The following GDAP2 variants were observed in gnomAD, a reference collection of about 807,000 sequenced individuals.
GDAP2 encodes the protein ganglioside-induced differentiation-associated protein 2.
GDAP2 carries 51 observed loss-of-function variants against 67.0 expected under a neutral mutation model. The observed-to-expected ratio is 0.76, with a 90% CI of 0.61 to 0.96. The LOEUF (loss-of-function observed/expected upper bound fraction) is 0.96, where lower values mean the gene tolerates loss of function less well. Ranked by LOEUF, GDAP2 falls within the 40% of genes least tolerant of loss-of-function variation. The pLI, the probability that GDAP2 is intolerant of heterozygous loss-of-function variation, is 0.00. For missense variants in GDAP2, 547 were observed against 588.3 expected (o/e 0.93, Z 0.73); for synonymous variants, 203 against 207.3 (o/e 0.98, Z 0.18).
At chr1:117,883,659 T>C (rs769362231) in intron 10 of GDAP2, 32 bp from the exon 11 acceptor site, 1 of 1,545,284 alleles carries the variant, frequency 6.5e-7, no homozygotes, top group African/African-American at 1.4e-5. Flanking sequence ...AAGGTGAAGA[T>C]CATTTTGAAC....
chr1:117,870,541 GA>G lies in GDAP2; in HGVS notation c.*27del. The G allele has an allele frequency of 6.9e-7, 1 of 1,459,842 alleles. No homozygotes were observed. The highest frequency in any genetic ancestry group is 9.6e-7 in the Non-Finnish European group (1 of 1,039,306). The allele number at this position is 1,459,842 out of a possible 1,614,324, so 90.4% of individuals were successfully genotyped here. ...ATTCGTGGAGGAAGTGGCATCCTGG[GA>G]ACCAAGAAGCACTGAAAGATGGCAG... is the stretch of plus-strand genomic sequence containing the variant. On this transcript the variant is annotated 3_prime_UTR_variant, in exon 14 of 14. Transcript: ENST00000369443.
In GDAP2 at chr1:117,891,770, G is replaced by A. The variant is rs1321662; in HGVS notation, c.954-3996C>T. Among the ~76,000 whole-genome samples the A allele has an allele frequency of 2.9e-3, 408 of 139,580 alleles. 5 individuals carry two copies. In the South Asian group the frequency reaches 0.034, roughly 12 times the overall value. 91.6% of individuals were successfully genotyped at this position (139,580 alleles called of 152,430 possible). A position where few individuals can be genotyped will look rare whatever the true frequency, so the allele number is the denominator to read the frequency against. Reference sequence around the variant, plus strand: ...AACTATTTTTTCTTTGGTGGTAAATGCTTTTCATGTCTTTAAAAAAATCTT... The same window carrying A: ...AACTATTTTTTCTTTGGTGGTAAATACTTTTCATGTCTTTAAAAAAATCTT... On this transcript the variant is annotated intron_variant, in intron 8 of 13. Transcript: ENST00000369443.
chr1:117,874,920 CG>C (rs1648403044), intron 13 of GDAP2, among the ~76,000 whole-genome samples: 1 of 152,000 alleles, frequency 6.6e-6, no homozygotes, highest in South Asian at 2.1e-4. Flanking sequence ...TGGTACCCTA[CG>C]GTATCTGCTG....
chr1:117,867,091 C>T lies in GDAP2; in HGVS notation c.*3478G>A, dbSNP rs1648093581. 6.6e-6 allele frequency: 1 copy of T among 152,022 alleles called. No homozygotes were observed. Among genetic ancestry groups the T allele is most frequent in the African/African-American group, 2.4e-5 (1 of 41,408 alleles). The allele number at this position is 152,022 out of a possible 1,614,324, so 9.4% of individuals were successfully genotyped here. On this transcript the variant is annotated 3_prime_UTR_variant, in exon 14 of 14. Transcript: ENST00000369443. ...ATACTGTCAATGTATCGGGGAAATA[C>T]AAAGAGTGATCTTTAGTTTATGCTG... is the stretch of plus-strand genomic sequence containing the variant.
intron 3 of GDAP2, among the ~76,000 whole-genome samples, chr1:117,914,380 C>G (rs1046649849): frequency 1.3e-5 from 2 of 151,890 alleles, no homozygotes; most frequent in Non-Finnish European, 2.9e-5. Context: ...AGGGTTAAAA[C>G]TAAACTTGAA....
chr1:117,888,420 G>A (rs1362126444), intron 8 of GDAP2, among the ~76,000 whole-genome samples: 1 of 152,130 alleles, frequency 6.6e-6, no homozygotes, highest in Non-Finnish European at 1.5e-5. Flanking sequence ...CTAAGAGGAT[G>A]TTAAAGCTGG....
In GDAP2 at chr1:117,878,915, T is replaced by C. The variant is rs531231318; in HGVS notation, c.1303-763A>G. 3.3e-5 allele frequency among the ~76,000 whole-genome samples: 5 copies of C among 152,334 alleles called. No homozygotes were observed. The South Asian group carries it at 1.0e-3, about 32-fold the overall frequency. ...CAATAGTCCTATGAGGCAGGTATGA[T>C]ATTGTTGCTATCCCCATTTTACTTA... On this transcript the variant is annotated intron_variant, in intron 12 of 13. Coordinates refer to ENST00000369443, the MANE Select transcript of GDAP2 (RefSeq NM_017686.4).
At chr1:117,883,461 C>A in intron 11 of GDAP2, 27 bp downstream of exon 11, 1 of 1,557,842 alleles carries the variant, frequency 6.4e-7, no homozygotes, top group Non-Finnish European at 8.8e-7. Context: ...AACTATTTCC[C>A]CTTCATAATT....
chr1:117,920,061 A>G (rs1242018217), intron 2 of GDAP2, 121 bp downstream of exon 2: 4 of 565,096 alleles, frequency 7.1e-6, no homozygotes, highest in Admixed American at 3.3e-5. Context: ...TTATACCTCA[A>G]TAAAGTCATA....
rs748872843 is a variant in GDAP2 at position 117,866,009 on chromosome 1, A to G, written c.*4560T>C. On this transcript the variant is annotated 3_prime_UTR_variant, in exon 14 of 14. Coordinates refer to ENST00000369443, the MANE Select transcript of GDAP2 (RefSeq NM_017686.4). ...TGTGTGCATGCATGTATATGTATAT[A>G]TGGTTAGGCCTACCAGGCAATCCTT... is the stretch of plus-strand genomic sequence containing the variant. The G allele has an allele frequency of 3.3e-5, 5 of 152,344 alleles. No individual in the cohort carries two copies. In the South Asian group the frequency reaches 1.0e-3, roughly 32 times the overall value. 9.4% of individuals were successfully genotyped at this position (152,344 alleles called of 1,614,324 possible). A position where few individuals can be genotyped will look rare whatever the true frequency, so the allele number is the denominator to read the frequency against.
chr1:117,887,537 T>C (rs548414785), intron 9 of GDAP2, among the ~76,000 whole-genome samples, 161 bp downstream of exon 9: 2 of 152,328 alleles, frequency 1.3e-5, no homozygotes, highest in South Asian at 2.1e-4. Context: ...TGGGATGTTA[T>C]TTTTAAGATC....
At chr1:117,912,752 A>C in intron 3 of GDAP2, 69 bp from the exon 4 acceptor site, 1 of 1,320,516 alleles carries the variant, frequency 7.6e-7, no homozygotes, top group Non-Finnish European at 1.1e-6. Flanking sequence ...AAATGAAAGC[A>C]TGAAACAGAG....
At chr1:117,898,083 G>A (rs1649324162) in intron 7 of GDAP2, among the ~76,000 whole-genome samples, 1 of 152,184 alleles carries the variant, frequency 6.6e-6, no homozygotes, top group Admixed American at 6.5e-5. Context: ...ATGGTGGACA[G>A]AAGAGAATCT....
At chr1:117,875,409 G>A (rs979575513) in intron 13 of GDAP2, among the ~76,000 whole-genome samples, 3 of 152,226 alleles carry the variant, frequency 2.0e-5, no homozygotes, top group Non-Finnish European at 4.4e-5. Flanking sequence ...TGCAAGAGTG[G>A]TGGAGGCTTG....
chr1:117,925,820 C>T (rs1386811821), intron 1 of GDAP2, among the ~76,000 whole-genome samples: 8 of 152,168 alleles, frequency 5.3e-5, no homozygotes. Context: ...GTCAAAACTG[C>T]ATAGGAGAAC....
At chr1:117,925,847 C>T (rs1650424387) in intron 1 of GDAP2, among the ~76,000 whole-genome samples, 1 of 152,214 alleles carries the variant, frequency 6.6e-6, no homozygotes, top group African/African-American at 2.4e-5. Context: ...CTTAACTTCC[C>T]TCCAACTCAA....
At chr1:117,902,712 C>CT (rs1054759069) in intron 6 of GDAP2, among the ~76,000 whole-genome samples, 10 of 152,150 alleles carry the variant, frequency 6.6e-5, no homozygotes. Flanking sequence ...CAATGTTGTT[C>CT]TTTTTTTCCA....
At chr1:117,919,530 C>T (rs78581444) in intron 2 of GDAP2, among the ~76,000 whole-genome samples, 2,071 of 152,088 alleles carry the variant, frequency 0.014, 37 homozygotes, top group South Asian at 0.092. Flanking sequence ...GAAAGTAGAT[C>T]AGTGGTTGCC....
Position 117,870,311 on chromosome 1 carries a change from A to T in GDAP2, c.*258T>A, listed in dbSNP as rs1648211762. On this transcript the variant is annotated 3_prime_UTR_variant, in exon 14 of 14. Transcript: ENST00000369443. The stretch of plus-strand genomic sequence containing the variant: ...TAAAGATACTCAAAAGTTGCTCCCC[A>T]ATTTCTATTAACAATCTAAAAATGA... The T allele has an allele frequency of 2.1e-6, 1 of 466,616 alleles. No homozygotes were observed. The highest frequency in any genetic ancestry group is 3.9e-5 in the East Asian group (1 of 25,450). The allele number at this position is 466,616 out of a possible 1,614,324, so 28.9% of individuals were successfully genotyped here.
Sources: gnomAD v4.1 joint callset for allele counts (sites outside exome capture counted in the v4.1 genomes callset) on GRCh38, gnomAD v4.1.1 for gene constraint, MANE v1.5 for transcripts, NCBI Gene and HGNC (gene_info 2026-07-23, HGNC 2026-07-21) for gene names.